The following EPB41L4A variants were observed in gnomAD, a reference collection of about 807,000 sequenced individuals.
EPB41L4A encodes erythrocyte membrane protein band 4.1 like 4A, also known as band 4.1-like protein 4A.
EPB41L4A carries 100 observed loss-of-function variants against 108.6 expected under a neutral mutation model. The ratio of observed to expected loss-of-function variants is 0.92; its 90% CI spans 0.78 to 1.09. EPB41L4A has a LOEUF of 1.09. Among genes scored for constraint, EPB41L4A ranks in the 50% least tolerant of loss-of-function variants. EPB41L4A has a pLI of 0.00. For synonymous variants in EPB41L4A, 319 were observed against 289.0 expected, an observed-to-expected ratio of 1.10 and a Z score of -1.05; for missense variants, 1,030 against 842.7, an observed-to-expected ratio of 1.22 and a Z score of -2.75.
chr5:112,322,090 T>C (rs1259363857), intron 1 of EPB41L4A, among the ~76,000 whole-genome samples: 3 of 152,264 alleles, frequency 2.0e-5, no homozygotes, highest in African/African-American at 4.8e-5. Context: ...CTAACTCATT[T>C]AATTCTCAGA....
chr5:112,147,625 G>A (rs551309830), intron 12 of EPB41L4A, among the ~76,000 whole-genome samples: 285 of 144,118 alleles, frequency 2.0e-3, no homozygotes, highest in African/African-American at 7.3e-3. Flanking sequence ...GCAACAGAAC[G>A]AGACTCTGTC....
intron 4 of EPB41L4A, among the ~76,000 whole-genome samples, chr5:112,273,140 A>G (rs1752383650): frequency 6.6e-6 from 1 of 152,228 alleles, no homozygotes; most frequent in Admixed American, 6.5e-5. Flanking sequence ...ATATTCATGC[A>G]AATCAATAAT....
At chr5:112,291,937 T>G (rs1389067207) in intron 2 of EPB41L4A, among the ~76,000 whole-genome samples, 1 of 152,218 alleles carries the variant, frequency 6.6e-6, no homozygotes, top group African/African-American at 2.4e-5. Context: ...TTGAAGCCAG[T>G]TGGTCAGAAG....
At chr5:112,327,243 T>A (rs754807614) in intron 1 of EPB41L4A, among the ~76,000 whole-genome samples, 1 of 152,136 alleles carries the variant, frequency 6.6e-6, no homozygotes, top group African/African-American at 2.4e-5. Context: ...AAAGGCTTTG[T>A]TAAAAAAAAT....
chr5:112,196,237 C>T (rs1761960972), intron 15 of EPB41L4A, among the ~76,000 whole-genome samples: 1 of 152,148 alleles, frequency 6.6e-6, no homozygotes, highest in African/African-American at 2.4e-5. Flanking sequence ...ATGGGGCATC[C>T]TGGTTAAAGG....
In EPB41L4A at chr5:112,307,483, G is replaced by T. The variant is rs187394282; in HGVS notation, c.107C>A (p.Thr36Lys). The T allele has an allele frequency of 6.2e-7, 1 of 1,609,850 alleles. No homozygotes were observed. The highest frequency in any genetic ancestry group is 2.2e-5 in the East Asian group (1 of 44,842). The change falls in exon 2 of 23, where the codon ACG (threonine) becomes AAG (lysine). Residue 36 changes from threonine to lysine, a missense_variant. By Grantham distance (78) the Thr-to-Lys change is moderately conservative (BLOSUM62 -1). Transcript: ENST00000261486. Reference sequence around the variant, plus strand: ...GTGGTCAAGGACAACGGAACCTTTCGTTGACTTCTGCAAAAATAATTCAGT... The same window carrying T: ...GTGGTCAAGGACAACGGAACCTTTCTTTGACTTCTGCAAAAATAATTCAGT... ...TTQQQGIKKS[T>K]KGSVVLDHVF...
At chr5:112,333,697 T>C (rs1372581346) in intron 1 of EPB41L4A, among the ~76,000 whole-genome samples, 2 of 152,176 alleles carry the variant, frequency 1.3e-5, no homozygotes, top group Non-Finnish European at 2.9e-5. Flanking sequence ...GCAGATCTAA[T>C]GCCACTTTTC....
At chr5:112,145,900 T>C (rs1399976286) in exon 13 of EPB41L4A, 3 of 456,412 alleles carry the variant, frequency 6.6e-6, no homozygotes, top group Non-Finnish European at 1.3e-5. Flanking sequence ...CCAATATCAC[T>C]TCATCCAGAA....
At chr5:112,154,850 C>A (rs1038119815) in intron 12 of EPB41L4A, among the ~76,000 whole-genome samples, 3 of 152,044 alleles carry the variant, frequency 2.0e-5, no homozygotes, top group Admixed American at 1.3e-4. Flanking sequence ...TCCTCTGGCA[C>A]ACATTAAGAA....
intron 9 of EPB41L4A, among the ~76,000 whole-genome samples, chr5:112,242,135 T>A (rs1388828684): frequency 1.3e-5 from 2 of 152,276 alleles, no homozygotes; most frequent in Admixed American, 1.3e-4. Flanking sequence ...CAATGAAGCT[T>A]TCTGTGTTAA....
intron 18 of EPB41L4A, among the ~76,000 whole-genome samples, chr5:112,174,441 A>G (rs534423458): frequency 6.6e-6 from 1 of 152,240 alleles, no homozygotes; most frequent in East Asian, 1.9e-4. Context: ...TACGACATAT[A>G]TAGAAAATAA....
chr5:112,278,795 T>C (rs1035893138), intron 3 of EPB41L4A, among the ~76,000 whole-genome samples: 4 of 151,522 alleles, frequency 2.6e-5, no homozygotes, highest in Non-Finnish European at 4.4e-5. Flanking sequence ...GGCTCACACC[T>C]GTAATCCCAG....
chr5:112,161,073 C>T (rs1253651577), downstream of EPB41L4A: 2 of 162,146 alleles, frequency 1.2e-5, no homozygotes, highest in Non-Finnish European at 2.8e-5. Flanking sequence ...CCTGCGTTCC[C>T]ACGTTTGGAA....
chr5:112,245,169 G>A (rs1750115119), intron 9 of EPB41L4A, among the ~76,000 whole-genome samples: 1 of 150,178 alleles, frequency 6.7e-6, no homozygotes, highest in African/African-American at 2.4e-5. Context: ...TATATTTTAA[G>A]TAACTGAACA....
At chr5:112,341,777 T>TACACACAC (rs1561587721) in intron 1 of EPB41L4A, among the ~76,000 whole-genome samples, 2 of 109,868 alleles carry the variant, frequency 1.8e-5, no homozygotes, top group African/African-American at 6.2e-5. Context: ...CACACACACA[T>TACACACAC]ACACACACAC....
chr5:112,152,467 T>C (rs73227500), intron 12 of EPB41L4A, among the ~76,000 whole-genome samples: 26,832 of 152,108 alleles, frequency 0.18, 2,472 homozygotes, highest in Non-Finnish European at 0.21. Flanking sequence ...GGTGATTATG[T>C]CATGAATGGG....
intron 15 of EPB41L4A, among the ~76,000 whole-genome samples, chr5:112,197,290 T>C (rs759016747): frequency 6.6e-6 from 1 of 152,210 alleles, no homozygotes; most frequent in Non-Finnish European, 1.5e-5. Flanking sequence ...CTATGCCCCA[T>C]GCTCCATTTC....
At chr5:112,212,921 G>C (rs1322170097) in intron 12 of EPB41L4A, among the ~76,000 whole-genome samples, 1 of 152,168 alleles carries the variant, frequency 6.6e-6, no homozygotes, top group Non-Finnish European at 1.5e-5. Context: ...TTTAGGAAAA[G>C]TGCCTAATCA....
intron 1 of EPB41L4A, among the ~76,000 whole-genome samples, chr5:112,330,633 A>C (rs1397070315): frequency 6.6e-6 from 1 of 152,062 alleles, no homozygotes; most frequent in African/African-American, 2.4e-5. Flanking sequence ...CCAATGCCTT[A>C]AACATGGTAA....
Sources: gnomAD v4.1 joint callset for allele counts (sites outside exome capture counted in the v4.1 genomes callset) on GRCh38, gnomAD v4.1.1 for gene constraint, MANE v1.5 for transcripts, NCBI Gene and HGNC (gene_info 2026-07-23, HGNC 2026-07-21) for gene names.